The following ZFP64 variants were observed in gnomAD, a reference collection of about 807,000 sequenced individuals.
ZFP64 encodes the protein ZFP64 zinc finger protein.
Under a neutral mutation model 51.6 loss-of-function variants are expected in ZFP64, and 14 were observed. The ratio of observed to expected loss-of-function variants is 0.27; its 90% confidence interval spans 0.18 to 0.42. The LOEUF is 0.42. Among genes scored for constraint, ZFP64 ranks in the 10% least tolerant of loss-of-function variants. The probability of loss-of-function intolerance (pLI) is 1.00; values close to 1 mark genes in which losing one functional copy is unlikely to be tolerated. For synonymous variants in ZFP64, 375 were observed against 361.4 expected (o/e 1.04, Z -0.43); for missense variants, 754 against 906.8 (o/e 0.83, Z 2.16).
Position 52,152,406 on chromosome 20 carries a change from C to T in ZFP64, c.1786G>A (p.Glu596Lys), listed in dbSNP as rs1299809784. Residue 596 changes from glutamate (E) to lysine (K), a missense_variant, in exon 6 of 6, where the codon GAA (glutamate) becomes AAA (lysine). By Grantham distance (56) the Glu-to-Lys change is moderately conservative. Around this residue, in one of 3 missense-constraint regions of ZFP64, gnomAD observed 428 missense variants for 472.4 expected, o/e 0.91. Transcript: ENST00000216923. ...LIPTASGGPQEGSGNQTFITS... is the reference protein window; with the variant it reads ...LIPTASGGPQKGSGNQTFITS... ...ATGAAAGTTTGATTGCCAGAGCCTT[C>T]CTGGGGGCCACCTGAGGCCGTGGGG... is the stretch of plus-strand genomic sequence containing the variant. 6.2e-7 allele frequency: 1 copy of T among 1,614,196 alleles called. No individual in the cohort carries two copies. Among genetic ancestry groups the T allele is most frequent in the Admixed American group, 1.7e-5 (1 of 60,028 alleles).
rs1031324914 is a variant in ZFP64, at chr20:52,144,878, T to C, written c.763+15245A>G. On this transcript the variant is annotated intron_variant, in intron 5 of 8. Transcript: ENST00000361387. ...TGAAAATTTAGAGCAGAGTAAATGATGTTTTTTCTTTTGCTAAATATAAAC... is the reference window on the plus strand; with the variant it reads ...TGAAAATTTAGAGCAGAGTAAATGACGTTTTTTCTTTTGCTAAATATAAAC... 3.6e-4 allele frequency among the ~76,000 whole-genome samples: 54 copies of C among 152,110 alleles called. 1 individual carries two copies. The highest frequency in any genetic ancestry group is 1.5e-5 in the Non-Finnish European group (1 of 68,022).
intron 5 of ZFP64, among the ~76,000 whole-genome samples, chr20:52,100,732 G>A (rs1232102168): frequency 6.6e-6 from 1 of 152,198 alleles, no homozygotes; most frequent in Non-Finnish European, 1.5e-5. Context: ...CAGAGGGTTT[G>A]CTCAGCTATG....
At chr20:52,161,788 A>C (rs780499174) in intron 4 of ZFP64, among the ~76,000 whole-genome samples, 4 of 152,162 alleles carry the variant, frequency 2.6e-5, no homozygotes, top group Admixed American at 6.5e-5. Context: ...AGGCATGCAA[A>C]TATTTCAGAA....
intron 5 of ZFP64, among the ~76,000 whole-genome samples, chr20:52,145,618 G>A (rs1462237153): frequency 2.0e-5 from 3 of 152,162 alleles, no homozygotes; most frequent in African/African-American, 7.2e-5. Context: ...CAACCTGGGT[G>A]ATAGAGTAAT....
chr20:52,153,193 G>A lies in ZFP64; in HGVS notation c.999C>T (p.His333=). The A allele has an allele frequency of 6.2e-7, 1 of 1,614,210 alleles. No individual in the cohort carries two copies. Among genetic ancestry groups the A allele is most frequent in the Non-Finnish European group, 8.5e-7 (1 of 1,180,032 alleles). The change falls in exon 6 of 6, where the codon CAC becomes CAT. Residue 333 remains histidine (H), a synonymous_variant. Transcript: ENST00000216923. The surrounding 1 kb of genome is among the most constrained non-coding windows in gnomAD (Gnocchi z 5.1). ...LGDSKATLRK[H]SRVHQSEHPE... is the part of the protein sequence containing the mutation. Reference sequence around the variant, plus strand: ...GATGCTCCGACTGGTGCACGCGGCTGTGCTTCCGGAGGGTGGCTTTGCTGT... The same window carrying A: ...GATGCTCCGACTGGTGCACGCGGCTATGCTTCCGGAGGGTGGCTTTGCTGT...
exon 9 of ZFP64, chr20:52,084,641 C>T (rs766894959): frequency 6.2e-6 from 10 of 1,614,170 alleles, no homozygotes; most frequent in Non-Finnish European, 8.5e-6. Flanking sequence ...CACCGCTTTC[C>T]GGTGGGAAGG....
chr20:52,098,604 G>C (rs376358683), intron 5 of ZFP64: 16 of 1,613,928 alleles, frequency 9.9e-6, no homozygotes, highest in Non-Finnish European at 9.3e-6. Context: ...TTGAGGCATA[G>C]TTTTGCTTAG....
intron 7 of ZFP64, among the ~76,000 whole-genome samples, chr20:52,092,591 T>C (rs1202296634): frequency 6.6e-6 from 1 of 152,236 alleles, no homozygotes; most frequent in Non-Finnish European, 1.5e-5. Flanking sequence ...GGCTCACACC[T>C]GCAATCCCAA....
chr20:52,146,093 T>C (rs947417084), intron 5 of ZFP64, among the ~76,000 whole-genome samples: 1 of 151,892 alleles, frequency 6.6e-6, no homozygotes, highest in Non-Finnish European at 1.5e-5. Flanking sequence ...AAAAACAAAC[T>C]AAGACACAAA....
Position 52,085,201 on chromosome 20 carries a change from G to A in ZFP64, c.1294C>T (p.His432Tyr), listed in dbSNP as rs1184871459. The A allele has an allele frequency of 6.2e-7, 1 of 1,614,230 alleles. No homozygotes were observed. Among genetic ancestry groups the A allele is most frequent in the Non-Finnish European group, 8.5e-7 (1 of 1,180,050 alleles). Residue 432 changes from histidine to tyrosine, a missense_variant, in exon 9 of 9, where the codon CAC (histidine) becomes TAC (tyrosine). By Grantham distance (83) the His-to-Tyr change is moderately conservative. Coordinates refer to the ZFP64 transcript ENST00000361387. This position sits in a 1 kb window ranked among gnomAD's most constrained non-coding sequence, Gnocchi z 4.3. ...TTCTCCCCCGAGTGCACGATCATGT[G>A]CCTTTTCAAGTCCGAGCTGATTTTG...
intron 7 of ZFP64, among the ~76,000 whole-genome samples, chr20:52,094,329 G>T (rs1397502216): frequency 6.6e-6 from 1 of 152,256 alleles, no homozygotes; most frequent in East Asian, 1.9e-4. Context: ...CATAGAGAAA[G>T]ATTTTGCTTC....
chr20:52,165,734 G>C, intron 3 of ZFP64, 130 bp downstream of exon 3: 1 of 1,226,264 alleles, frequency 8.2e-7, no homozygotes, highest in East Asian at 2.4e-5. Context: ...AATGCCAGGG[G>C]GCTCTGATTT....
intron 1 of ZFP64, among the ~76,000 whole-genome samples, chr20:52,189,428 G>A (rs551722652): frequency 6.7e-6 from 1 of 149,036 alleles, no homozygotes; most frequent in South Asian, 2.1e-4. Flanking sequence ...TCATAATATT[G>A]TAAATATTCA....
intron 5 of ZFP64, chr20:52,105,193 C>G: frequency 7.0e-7 from 1 of 1,436,640 alleles, no homozygotes; most frequent in Non-Finnish European, 9.0e-7. Flanking sequence ...GCCGCGGCTC[C>G]TCGGAGTTGA....
rs1400575484 is a variant in ZFP64 at position 52,101,979 on chromosome 20, G to A, written c.764-3392C>T. 4.0e-5 allele frequency among the ~76,000 whole-genome samples: 6 copies of A among 150,294 alleles called. No homozygotes were observed. The Admixed American group carries it at 4.0e-4, about 10-fold the overall frequency. ...AAAAAAAAATTAGCCAGGTGTGGTG[G>A]CATGTGCCTGTAATCCCAGCTACTC... On this transcript the variant is annotated intron_variant, in intron 5 of 8. Coordinates refer to the ZFP64 transcript ENST00000361387.
At chr20:52,119,576 AACAC>A (rs138828393) in intron 5 of ZFP64, among the ~76,000 whole-genome samples, 2 of 132,548 alleles carry the variant, frequency 1.5e-5, no homozygotes, top group Admixed American at 7.9e-5. Flanking sequence ...ATACACACAC[AACAC>A]ACACACACAC....
chr20:52,103,005 CCT>C lies in ZFP64; in HGVS notation c.764-4420_764-4419del, dbSNP rs146881245. Among the ~76,000 whole-genome samples, 931 of 152,202 alleles carry C rather than the reference CCT, an allele frequency of 6.1e-3. 8 individuals carry two copies. The highest frequency in any genetic ancestry group is 0.022 in the African/African-American group (895 of 41,524). On this transcript the variant is annotated intron_variant, in intron 5 of 8. Transcript: ENST00000361387. ...GGGTTAAAGGATGACCCAGATAGAG[CCT>C]CTGATGGGGAGGTGTGAGGGGCCTC... is the stretch of plus-strand genomic sequence containing the variant.
intron 5 of ZFP64, chr20:52,110,639 G>A: frequency 1.8e-6 from 2 of 1,126,200 alleles, no homozygotes; most frequent in South Asian, 1.5e-5. Context: ...TGGCCAGGGT[G>A]TCCTATGCAG....
chr20:52,184,404 A>G (rs1983817549), intron 2 of ZFP64, among the ~76,000 whole-genome samples: 1 of 152,088 alleles, frequency 6.6e-6, no homozygotes, highest in East Asian at 1.9e-4. Context: ...ACCACTCTCT[A>G]ACACCTCCCC....
Sources: allele counts gnomAD v4.1 joint callset (sites outside exome capture counted in the v4.1 genomes callset), GRCh38; gene constraint gnomAD v4.1.1; regional missense constraint gnomAD v4.1.1; non-coding constraint Gnocchi (gnomAD v3.1); transcripts MANE v1.5; gene names NCBI Gene and HGNC (gene_info 2026-07-23, HGNC 2026-07-21).